ORC3: variants seen among roughly 807,000 people sequenced by gnomAD.
ORC3 encodes homolog of latheo, Drosophila.
A neutral mutation model predicts 100.7 loss-of-function variants in ORC3; 78 were observed. The observed-to-expected ratio is 0.77, with a 90% CI of 0.65 to 0.94. The LOEUF (loss-of-function observed/expected upper bound fraction) is 0.94, where lower values mean the gene tolerates loss of function less well. ORC3 is among the 40% of genes least tolerant of loss of function. The pLI is 0.00. For missense variants in ORC3, 789 were observed against 823.9 expected (o/e 0.96, Z 0.52); for synonymous variants, 295 against 289.3 (o/e 1.02, Z -0.20).
At chr6:87,615,844 C>T (rs1184255233) in intron 8 of ORC3, among the ~76,000 whole-genome samples, 2 of 152,110 alleles carry the variant, frequency 1.3e-5, no homozygotes, top group African/African-American at 2.4e-5. Flanking sequence ...AATACAAATT[C>T]AGCTATTCTA....
intron 2 of ORC3, among the ~76,000 whole-genome samples, chr6:87,597,652 A>AT (rs941096086): frequency 6.0e-5 from 9 of 150,360 alleles, no homozygotes; most frequent in African/African-American, 2.2e-4. Flanking sequence ...ATAGAATAGG[A>AT]TTTTTTTTAA....
chr6:87,592,553 C>T (rs374127012), intron 1 of ORC3, among the ~76,000 whole-genome samples: 4 of 152,096 alleles, frequency 2.6e-5, no homozygotes, highest in South Asian at 4.1e-4. Context: ...CGCCTGAACC[C>T]GGGAGGTAGA....
chr6:87,643,406 A>G, intron 13 of ORC3, among the ~76,000 whole-genome samples: 1 of 137,650 alleles, frequency 7.3e-6, no homozygotes, highest in African/African-American at 2.7e-5. Context: ...AAATAAAGGG[A>G]GAGGTTAAAA....
At chr6:87,651,295 A>G (rs913636729) in intron 13 of ORC3, 16 of 456,184 alleles carry the variant, frequency 3.5e-5, no homozygotes, top group Non-Finnish European at 7.0e-5. Context: ...ATCTTCTGCC[A>G]GCAGAACCTC....
chr6:87,621,060 A>G (rs1175916535), intron 9 of ORC3, among the ~76,000 whole-genome samples: 3 of 152,046 alleles, frequency 2.0e-5, no homozygotes, highest in Admixed American at 1.3e-4. Flanking sequence ...CCACATTTGT[A>G]ATTATTATGT....
At chr6:87,646,088 G>A (rs1256178822) in intron 13 of ORC3, among the ~76,000 whole-genome samples, 2 of 147,498 alleles carry the variant, frequency 1.4e-5, no homozygotes, top group South Asian at 2.1e-4. Context: ...CCAGGTTCAC[G>A]CCATTCTCCT....
chr6:87,593,702 A>C (rs1451864154), intron 1 of ORC3, among the ~76,000 whole-genome samples: 1 of 152,060 alleles, frequency 6.6e-6, no homozygotes, highest in Non-Finnish European at 1.5e-5. Flanking sequence ...ATTTTTATTT[A>C]TTTATTTTTT....
chr6:87,658,078 G>A (rs1280663360), intron 16 of ORC3, 60 bp downstream of exon 16: 2 of 883,058 alleles, frequency 2.3e-6, no homozygotes, highest in Non-Finnish European at 3.8e-6. Flanking sequence ...AATAACACTG[G>A]TGTCATAGCT....
rs548349509 is a variant in ORC3 at position 87,633,855 on chromosome 6, A to C, written c.1186-990A>C. On this transcript the variant is annotated intron_variant, in intron 11 of 19. Transcript: ENST00000392844. ...TACCTGATAGGATATAATGTTTTAAAATCATTTCTAAACTATTTCAGGAGG... is the reference window on the plus strand; with the variant it reads ...TACCTGATAGGATATAATGTTTTAACATCATTTCTAAACTATTTCAGGAGG... Among the ~76,000 whole-genome samples the C allele has an allele frequency of 2.0e-5, 3 of 152,340 alleles. No individual in the cohort carries two copies. The South Asian group carries it at 6.2e-4, about 32-fold the overall frequency.
At position 87,607,638 on chromosome 6, in the gene ORC3, C is replaced by T. The variant is rs776861259; in HGVS notation, c.428-35C>T. 17 of 1,517,562 alleles carry T rather than the reference C, an allele frequency of 1.1e-5. No homozygotes were observed. The South Asian group carries it at 2.2e-4, about 20-fold the overall frequency. 94.0% of individuals were successfully genotyped at this position (1,517,562 alleles called of 1,614,324 possible). A position where few individuals can be genotyped will look rare whatever the true frequency, so the allele number is the denominator to read the frequency against. ...GCTTTGGTTTTATTTTTAGAAGAGG[C>T]AGAGATAAGCTTTCTTACTTTTTAT... On this transcript the variant is annotated intron_variant, in intron 5 of 19. Coordinates refer to ENST00000392844, the MANE Select transcript of ORC3 (RefSeq NM_012381.4).
intron 13 of ORC3, among the ~76,000 whole-genome samples, chr6:87,648,663 A>G (rs1000428492): frequency 6.6e-6 from 1 of 151,568 alleles, no homozygotes; most frequent in Non-Finnish European, 1.5e-5. Flanking sequence ...GAATAATAAT[A>G]GTATTTACAT....
chr6:87,593,475 G>A (rs1582985883), intron 1 of ORC3, among the ~76,000 whole-genome samples: 1 of 152,204 alleles, frequency 6.6e-6, no homozygotes, highest in Non-Finnish European at 1.5e-5. Context: ...TCGAGGAAAG[G>A]AGAATTTCTG....
chr6:87,658,292 C>T (rs1294109461), intron 16 of ORC3, among the ~76,000 whole-genome samples: 1 of 152,018 alleles, frequency 6.6e-6, no homozygotes, highest in Non-Finnish European at 1.5e-5. Context: ...CCTGTCTCTA[C>T]TGAAAGTACA....
At chr6:87,600,976 C>T (rs932937353) in intron 2 of ORC3, among the ~76,000 whole-genome samples, 4 of 152,030 alleles carry the variant, frequency 2.6e-5, no homozygotes, top group African/African-American at 9.7e-5. Flanking sequence ...GGTATTTTCA[C>T]AAATAGCTAA....
intron 1 of ORC3, among the ~76,000 whole-genome samples, chr6:87,590,632 G>A (rs1318962154): frequency 6.6e-6 from 1 of 152,216 alleles, no homozygotes; most frequent in East Asian, 1.9e-4. Context: ...GCAGACAACA[G>A]AAGAGTGGGA....
At chr6:87,659,728 G>A (rs1006239715) in intron 16 of ORC3, among the ~76,000 whole-genome samples, 5 of 151,770 alleles carry the variant, frequency 3.3e-5, no homozygotes, top group African/African-American at 9.7e-5. Context: ...CTAAAAATAC[G>A]AAAAATAGCT....
In ORC3 at chr6:87,662,990, C is replaced by T. The variant is rs1770313580; in HGVS notation, c.1692-13C>T. 6.3e-7 allele frequency: 1 copy of T among 1,583,654 alleles called. No individual in the cohort carries two copies. ...TGCTTATCTAAACATGGATGCCTGA[C>T]TGGCTGTTTCAGAGAATACCTTCTG... On this transcript the variant is annotated splice_polypyrimidine_tract_variant and intron_variant, in intron 16 of 19. Transcript: ENST00000392844.
At chr6:87,646,360 C>T (rs923926346) in intron 13 of ORC3, among the ~76,000 whole-genome samples, 2 of 152,134 alleles carry the variant, frequency 1.3e-5, no homozygotes, top group Non-Finnish European at 2.9e-5. Flanking sequence ...TGTGACCTAT[C>T]TTAGACATTT....
intron 13 of ORC3, among the ~76,000 whole-genome samples, chr6:87,649,687 G>T (rs752909333): frequency 6.6e-6 from 1 of 152,060 alleles, no homozygotes; most frequent in African/African-American, 2.4e-5. Context: ...CAGAGGTTGC[G>T]GTGAGCTGAG....
Sources: allele counts gnomAD v4.1 joint callset (sites outside exome capture counted in the v4.1 genomes callset), GRCh38; gene constraint gnomAD v4.1.1; transcripts MANE v1.5; gene names NCBI Gene and HGNC (gene_info 2026-07-23, HGNC 2026-07-21).